Variants in OSBPL5 observed in about 807,000 individuals in gnomAD.
OSBPL5 encodes oxysterol-binding protein-related protein 5.
In OSBPL5, 71 loss-of-function variants were observed where a neutral mutation model predicts 111.2. The observed-to-expected ratio is 0.64, with a 90% CI of 0.53 to 0.78. The LOEUF (loss-of-function observed/expected upper bound fraction) is 0.78, where lower values mean the gene tolerates loss of function less well. Among genes scored for constraint, OSBPL5 ranks in the 30% least tolerant of loss-of-function variants. OSBPL5 has a pLI of 0.00. For missense variants in OSBPL5, 1,210 were observed against 1,189.3 expected (o/e 1.02, Z -0.26); for synonymous variants, 549 against 513.9 (o/e 1.07, Z -0.93).
chr11:3,119,038 T>A (rs1228456657), intron 7 of OSBPL5, among the ~76,000 whole-genome samples: 1 of 148,742 alleles, frequency 6.7e-6, no homozygotes, highest in Non-Finnish European at 1.5e-5. Context: ...AGACGGACTT[T>A]TGCTCTTGTC....
intron 1 of OSBPL5, among the ~76,000 whole-genome samples, chr11:3,134,421 T>A (rs1293172354): frequency 1.3e-5 from 2 of 152,164 alleles, no homozygotes; most frequent in African/African-American, 4.8e-5. Context: ...GCAGACCTAG[T>A]GACTAGGGTG....
intron 7 of OSBPL5, among the ~76,000 whole-genome samples, chr11:3,118,029 G>A (rs1406699652): frequency 1.3e-5 from 2 of 152,190 alleles, no homozygotes; most frequent in Non-Finnish European, 2.9e-5. Flanking sequence ...TTCTGAAAAT[G>A]AGCTTTCCTA....
Position 3,092,302 on chromosome 11 carries a change from G to A in OSBPL5, c.2259+130C>T. The A allele has an allele frequency of 2.3e-6, 3 of 1,277,688 alleles. No individual in the cohort carries two copies. The highest frequency in any genetic ancestry group is 3.1e-6 in the Non-Finnish European group (3 of 961,152). 79.1% of individuals were successfully genotyped at this position (1,277,688 alleles called of 1,614,324 possible). On this transcript the variant is annotated intron_variant, in intron 19 of 21. Transcript: ENST00000263650. The surrounding 1 kb of genome is among the most constrained non-coding windows in gnomAD (Gnocchi z 5.4). ...CTCGGCAGAGAAGGAAAGGGGACGA[G>A]GGGGCTGGGGGATGAGGGCGTGAGG... is the stretch of plus-strand genomic sequence containing the variant.
At chr11:3,097,024 G>C (rs1211538618) in intron 14 of OSBPL5, among the ~76,000 whole-genome samples, 1 of 104,174 alleles carries the variant, frequency 9.6e-6, no homozygotes, top group African/African-American at 3.9e-5. Context: ...ACGGGAGGGG[G>C]AGGAGAGGAA....
In OSBPL5 at chr11:3,121,923, G is replaced by A. The variant is rs147663506; in HGVS notation, c.402+74C>T. 6.5e-5 allele frequency: 88 copies of A among 1,353,054 alleles called. No homozygotes were observed. The highest frequency in any genetic ancestry group is 1.4e-4 in the Admixed American group (7 of 50,282). 83.8% of individuals were successfully genotyped at this position (1,353,054 alleles called of 1,614,324 possible). On this transcript the variant is annotated intron_variant, in intron 5 of 21. Transcript: ENST00000263650. The surrounding 1 kb of genome is among the most constrained non-coding windows in gnomAD (Gnocchi z 4.3). ...GAATTTCCATCGTTTCAGGCCACCTGGTTTATGGTCCTTTGTTATGGCAGC... is the reference window on the plus strand; with the variant it reads ...GAATTTCCATCGTTTCAGGCCACCTAGTTTATGGTCCTTTGTTATGGCAGC...
Position 3,120,452 on chromosome 11 carries a change from T to TGGAAGAGCTTGA in OSBPL5, c.563_574dup (p.Phe191_His192insLeuLysLeuPhe), listed in dbSNP as rs1371862887. ...GGCCCAGACGGACTGATCCAGCGGG[T>TGGAAGAGCTTGA]GGAAGAGCTTGAAGCAGAAGCCGTC... On this transcript the variant is annotated inframe_insertion, in exon 6 of 22. Transcript: ENST00000263650. The TGGAAGAGCTTGA allele has an allele frequency of 6.2e-7, 1 of 1,612,696 alleles. No homozygotes were observed. Among genetic ancestry groups the TGGAAGAGCTTGA allele is most frequent in the Non-Finnish European group, 8.5e-7 (1 of 1,179,936 alleles).
At chr11:3,093,445 C>A in intron 17 of OSBPL5, 82 bp downstream of exon 17, 1 of 1,557,936 alleles carries the variant, frequency 6.4e-7, no homozygotes, top group Admixed American at 1.8e-5. Context: ...GCCATGCTCA[C>A]AGCACTGTAG....
chr11:3,155,392 T>C (rs1045916411), intron 1 of OSBPL5, among the ~76,000 whole-genome samples: 4 of 152,060 alleles, frequency 2.6e-5, no homozygotes, highest in African/African-American at 9.7e-5. Flanking sequence ...CCTGGGGTGA[T>C]CCCAAGCACC....
chr11:3,102,227 A>C lies in OSBPL5; in HGVS notation c.1381T>G (p.Phe461Val). 6.2e-7 allele frequency: 1 copy of C among 1,609,474 alleles called. No homozygotes were observed. The highest frequency in any genetic ancestry group is 8.5e-7 in the Non-Finnish European group (1 of 1,178,332). The change falls in exon 12 of 22, where the codon TTC (phenylalanine) becomes GTC (valine). Residue 461 changes from phenylalanine to valine, a missense_variant. Transcript: ENST00000263650. ...GTGCGGCTGTCAGTCTGCGGGTGGA[A>C]CCAGCAGCAGCGGAAGGTCTCCCCC... Reference protein sequence around the residue: ...ILGETFRCCWFHPQTDSRTFY... With the variant: ...ILGETFRCCWVHPQTDSRTFY...
In OSBPL5 at chr11:3,090,547, A is replaced by G. The variant is rs532532056; in HGVS notation, c.2398+11T>C. 3.1e-6 allele frequency: 5 copies of G among 1,611,574 alleles called. No homozygotes were observed. The highest frequency in any genetic ancestry group is 2.2e-5 in the East Asian group (1 of 44,846). ...GACAGAGGCCTTGGGGCTGGGCCCA[A>G]GGGGGCTCACCAGGGACAAAGTCAC... On this transcript the variant is annotated intron_variant, in intron 20 of 21. Coordinates refer to ENST00000263650, the MANE Select transcript of OSBPL5 (RefSeq NM_020896.4).
chr11:3,132,470 T>C (rs2134488543), intron 1 of OSBPL5, among the ~76,000 whole-genome samples: 1 of 152,188 alleles, frequency 6.6e-6, no homozygotes. Flanking sequence ...GTTTTGTTCA[T>C]TTTAAAGGCC....
intron 2 of OSBPL5, among the ~76,000 whole-genome samples, chr11:3,127,220 C>T (rs1172011499): frequency 6.6e-6 from 1 of 152,236 alleles, no homozygotes; most frequent in Admixed American, 6.5e-5. Context: ...CAGGGCCGCT[C>T]CCGCTGCTTC....
intron 7 of OSBPL5, among the ~76,000 whole-genome samples, chr11:3,112,056 CATGTGTATGTGTGTGTGCATGT>C (rs1857990650): frequency 1.2e-4 from 4 of 32,018 alleles, no homozygotes; most frequent in South Asian, 6.9e-4. Flanking sequence ...CATGTGTGTG[CATGTGTATGTGTGTGTGCATGT>C]GTGTGTGCAT....
At position 3,141,883 on chromosome 11, in the gene OSBPL5, C is replaced by T. The variant is rs1489413850; in HGVS notation, c.-21-12714G>A. ...TACAAATGCGCCATTTTCCCACTTT[C>T]TCTCCATGTTACAGTTGCAGTTTCT... On this transcript the variant is annotated intron_variant, in intron 1 of 21. Coordinates refer to ENST00000263650, the MANE Select transcript of OSBPL5 (RefSeq NM_020896.4). The surrounding 1 kb of genome is among the most constrained non-coding windows in gnomAD (Gnocchi z 6.5). Among the ~76,000 whole-genome samples the T allele has an allele frequency of 1.3e-5, 2 of 151,862 alleles. No homozygotes were observed. The highest frequency in any genetic ancestry group is 2.1e-4 in the South Asian group (1 of 4,814).
intron 1 of OSBPL5, among the ~76,000 whole-genome samples, chr11:3,156,500 G>A (rs776358848): frequency 1.3e-5 from 2 of 152,092 alleles, no homozygotes; most frequent in Non-Finnish European, 2.9e-5. Context: ...CCCAAAGCCC[G>A]CCTGGGAGTG....
chr11:3,097,833 G>A (rs569225914), intron 14 of OSBPL5, among the ~76,000 whole-genome samples: 53 of 152,312 alleles, frequency 3.5e-4, no homozygotes, highest in African/African-American at 1.1e-3. Flanking sequence ...TTGGGAGGCC[G>A]AGGCAGGCGG....
At position 3,107,625 on chromosome 11, in the gene OSBPL5, C is replaced by T; in HGVS notation, c.866+146G>A. The T allele has an allele frequency of 7.3e-7, 1 of 1,362,496 alleles. No homozygotes were observed. Among genetic ancestry groups the T allele is most frequent in the Non-Finnish European group, 1.0e-6 (1 of 991,626 alleles). The allele number at this position is 1,362,496 out of a possible 1,614,324, so 84.4% of individuals were successfully genotyped here. A position where few individuals can be genotyped will look rare whatever the true frequency, so the allele number is the denominator to read the frequency against. On this transcript the variant is annotated intron_variant, in intron 8 of 21. Transcript: ENST00000263650. This position sits in a 1 kb window ranked among gnomAD's most constrained non-coding sequence, Gnocchi z 6.1. ...CCCGTTTTAGAGGAAGGAACCGAGGCTCCCAGGGCACACTGCAGCGAACAA... is the reference window on the plus strand; with the variant it reads ...CCCGTTTTAGAGGAAGGAACCGAGGTTCCCAGGGCACACTGCAGCGAACAA...
rs1858398912 is a variant in OSBPL5 at position 3,121,111 on chromosome 11, G to A, written c.403-487C>T. 1.4e-5 allele frequency among the ~76,000 whole-genome samples: 2 copies of A among 148,130 alleles called. No individual in the cohort carries two copies. Among genetic ancestry groups the A allele is most frequent in the South Asian group, 2.1e-4 (1 of 4,694 alleles). ...AGTCTCTGTTGCCCAGGCTGGAGGT[G>A]CAGTGGTGCTATCTTGGCTCGCTGC... On this transcript the variant is annotated intron_variant, in intron 5 of 21. Transcript: ENST00000263650. The surrounding 1 kb of genome is among the most constrained non-coding windows in gnomAD (Gnocchi z 4.3).
chr11:3,128,252 C>A (rs1858703965), intron 2 of OSBPL5, among the ~76,000 whole-genome samples: 2 of 152,300 alleles, frequency 1.3e-5, no homozygotes, highest in Admixed American at 1.3e-4. Flanking sequence ...CATGGCCAGG[C>A]AGGGCTGGGG....
Sources: gnomAD v4.1 joint callset for allele counts (sites outside exome capture counted in the v4.1 genomes callset) on GRCh38, gnomAD v4.1.1 for gene constraint, Gnocchi (gnomAD v3.1) non-coding constraint, MANE v1.5 for transcripts, NCBI Gene and HGNC (gene_info 2026-07-23, HGNC 2026-07-21) for gene names.